Variants in PCLO observed in about 807,000 individuals in gnomAD.
PCLO encodes the protein protein piccolo.
PCLO carries 82 observed loss-of-function variants against 427.5 expected under a neutral mutation model. The observed-to-expected ratio is 0.19, with a 90% confidence interval of 0.16 to 0.23. The LOEUF (loss-of-function observed/expected upper bound fraction) is 0.23, where lower values mean the gene tolerates loss of function less well. PCLO is among the 10% of genes least tolerant of loss of function. PCLO has a pLI of 1.00. For missense variants in PCLO, 6,239 were observed against 6,115.9 expected, an observed-to-expected ratio of 1.02 and a Z score of -0.67; for synonymous variants, 2,357 against 2,155.4, an observed-to-expected ratio of 1.09 and a Z score of -2.59.
intron 3 of PCLO, among the ~76,000 whole-genome samples, chr7:83,012,163 A>G (rs759222274): frequency 1.3e-4 from 20 of 152,164 alleles, no homozygotes; most frequent in Non-Finnish European, 2.8e-4. Flanking sequence ...CATCAGCATA[A>G]TAATAAATTT....
At chr7:82,901,570 C>A (rs1367293138) in intron 9 of PCLO, among the ~76,000 whole-genome samples, 2 of 152,026 alleles carry the variant, frequency 1.3e-5, no homozygotes, top group Non-Finnish European at 2.9e-5. Context: ...CCAAAATTGA[C>A]AAATGGGATC....
chr7:83,038,025 ATATATTTATATATTTATATATATATCTT>A (rs1788853708), intron 3 of PCLO, among the ~76,000 whole-genome samples: 13 of 49,072 alleles, frequency 2.6e-4, no homozygotes, highest in African/African-American at 4.6e-4. Context: ...ATATATATAT[ATATATTTATATATTTATATATATATCTT>A]TATATATATA....
intron 2 of PCLO, among the ~76,000 whole-genome samples, chr7:83,150,162 A>C (rs1354279284): frequency 6.6e-6 from 1 of 152,250 alleles, no homozygotes; most frequent in Non-Finnish European, 1.5e-5. Context: ...CTGTTCCTAA[A>C]TATATCTTGA....
chr7:82,769,281 G>A (rs141027750), intron 22 of PCLO, among the ~76,000 whole-genome samples: 1 of 152,226 alleles, frequency 6.6e-6, no homozygotes, highest in East Asian at 1.9e-4. Context: ...TTAAACAACG[G>A]AAGATGTCTT....
rs1788849405 is a variant in PCLO at position 83,038,017 on chromosome 7, ATATATATATATATT to A, written c.3301-71544_3301-71531del. Among the ~76,000 whole-genome samples the A allele has an allele frequency of 4.5e-5, 2 of 44,928 alleles. 1 individual carries two copies. Among genetic ancestry groups the A allele is most frequent in the African/African-American group, 2.9e-4 (2 of 6,950 alleles). The allele number at this position is 44,928 out of a possible 152,430, so 29.5% of individuals were successfully genotyped here. ...TATATATATATATATATATATATAT[ATATATATATATATT>A]TATATATTTATATATATATCTTTAT... On this transcript the variant is annotated intron_variant, in intron 3 of 24. Coordinates refer to ENST00000333891, the MANE Select transcript of PCLO (RefSeq NM_033026.6).
At chr7:82,871,974 T>G (rs2888018) in intron 10 of PCLO, among the ~76,000 whole-genome samples, 54,373 of 151,746 alleles carry the variant, frequency 0.36, 10,017 homozygotes, top group East Asian at 0.46. Context: ...ACTTAATTCT[T>G]TGAGCTTAAG....
intron 3 of PCLO, among the ~76,000 whole-genome samples, chr7:83,096,578 T>C (rs1790543296): frequency 6.6e-6 from 1 of 150,922 alleles, no homozygotes; most frequent in South Asian, 2.1e-4. Flanking sequence ...TCAGCTATGA[T>C]TACATATCAC....
chr7:83,055,087 C>T (rs181573003), intron 3 of PCLO, among the ~76,000 whole-genome samples: 2 of 152,172 alleles, frequency 1.3e-5, no homozygotes, highest in Admixed American at 1.3e-4. Context: ...GTTATTAGAA[C>T]TTCATCACTA....
chr7:82,861,052 G>C (rs1280063444), intron 10 of PCLO, among the ~76,000 whole-genome samples: 2 of 151,882 alleles, frequency 1.3e-5, no homozygotes, highest in African/African-American at 4.8e-5. Context: ...AAGAAAGGAG[G>C]AAGAGAAGAC....
chr7:83,048,998 T>C, intron 3 of PCLO, among the ~76,000 whole-genome samples: 1 of 152,154 alleles, frequency 6.6e-6, no homozygotes, highest in East Asian at 1.9e-4. Flanking sequence ...ACAGATTGCT[T>C]AGTCATGGTT....
At chr7:83,018,247 C>G (rs1221167429) in intron 3 of PCLO, among the ~76,000 whole-genome samples, 1 of 151,854 alleles carries the variant, frequency 6.6e-6, no homozygotes, top group Admixed American at 6.6e-5. Context: ...GCATTTAACA[C>G]ACAATCCTGT....
At chr7:83,009,560 T>C (rs1788028341) in intron 3 of PCLO, among the ~76,000 whole-genome samples, 1 of 152,032 alleles carries the variant, frequency 6.6e-6, no homozygotes, top group Middle Eastern at 3.4e-3. Context: ...GAAATCCTTT[T>C]ATAATTTCTG....
chr7:83,060,719 G>A (rs1789522827), intron 3 of PCLO, among the ~76,000 whole-genome samples: 1 of 152,184 alleles, frequency 6.6e-6, no homozygotes, highest in South Asian at 2.1e-4. Flanking sequence ...GGGTGGGGTG[G>A]CTACAGCCTG....
chr7:82,887,905 T>A (rs1562838335), intron 9 of PCLO, among the ~76,000 whole-genome samples: 1 of 151,974 alleles, frequency 6.6e-6, no homozygotes, highest in African/African-American at 2.4e-5. Context: ...CTGTCTCTAC[T>A]AAAAAGCTAC....
In PCLO at chr7:82,914,887, C is replaced by T; in HGVS notation, c.13099G>A (p.Val4367Ile). Residue 4367 changes from valine (V) to isoleucine (I), a missense_variant, in exon 7 of 25, where the codon GTT (valine) becomes ATT (isoleucine). Val to Ile is a conservative substitution (Grantham distance 29). This residue lies in a region of PCLO where 680 missense variants were observed against 677.3 expected (regional missense o/e 1.00). Transcript: ENST00000333891. ...CTGGCCATTCCCATTGGCTGGCCAA[C>T]AGGACTGAGTGGGCTTTCTTCTTCA... ...NSEEESPLSP[V>I]GQPMGMARAA... is the part of the protein sequence containing the mutation. 6.2e-7 allele frequency: 1 copy of T among 1,613,606 alleles called. No individual in the cohort carries two copies. The highest frequency in any genetic ancestry group is 8.5e-7 in the Non-Finnish European group (1 of 1,179,728).
At chr7:83,122,494 T>C (rs1440176268) in intron 3 of PCLO, among the ~76,000 whole-genome samples, 1 of 151,970 alleles carries the variant, frequency 6.6e-6, no homozygotes, top group Non-Finnish European at 1.5e-5. Context: ...CCATGTTGGC[T>C]AGGTTGGTCT....
At chr7:83,081,401 A>G (rs62458608) in intron 3 of PCLO, among the ~76,000 whole-genome samples, 1,619 of 152,080 alleles carry the variant, frequency 0.011, 14 homozygotes, top group Middle Eastern at 0.041. Context: ...TAGTCTACAC[A>G]AGGTTAGACT....
At chr7:83,057,490 T>G (rs1011743545) in intron 3 of PCLO, among the ~76,000 whole-genome samples, 1 of 146,970 alleles carries the variant, frequency 6.8e-6, no homozygotes, top group African/African-American at 2.5e-5. Context: ...GCCTCCCAAG[T>G]AGCTGGGACT....
intron 9 of PCLO, among the ~76,000 whole-genome samples, chr7:82,898,580 C>T (rs1358229219): frequency 6.6e-6 from 1 of 151,278 alleles, no homozygotes; most frequent in Non-Finnish European, 1.5e-5. Flanking sequence ...TGGCCATTTT[C>T]CACCATAAAA....
Sources: allele counts gnomAD v4.1 joint callset (sites outside exome capture counted in the v4.1 genomes callset), GRCh38; gene constraint gnomAD v4.1.1; regional missense constraint gnomAD v4.1.1; transcripts MANE v1.5; gene names NCBI Gene and HGNC (gene_info 2026-07-23, HGNC 2026-07-21).